The following HSPG2 variants were observed in gnomAD, a reference collection of about 807,000 sequenced individuals.
The protein encoded by HSPG2 is heparan sulfate proteoglycan 2, also known as basement membrane-specific heparan sulfate proteoglycan core protein.
Under a neutral mutation model 526.6 loss-of-function variants are expected in HSPG2, and 278 were observed. That is an observed-to-expected ratio of 0.53 (90% CI 0.48 to 0.58). The LOEUF (loss-of-function observed/expected upper bound fraction) is 0.58. Ranked by LOEUF, HSPG2 falls within the 20% of genes least tolerant of loss-of-function variation. The probability of loss-of-function intolerance (pLI) is 0.00; values close to 1 mark genes in which losing one functional copy is unlikely to be tolerated. For missense variants in HSPG2, 5,354 were observed against 6,099.5 expected (o/e 0.88, Z 4.07); for synonymous variants, 2,465 against 2,555.4 (o/e 0.96, Z 1.07).
chr1:21,926,906 T>C (rs1231973410), intron 1 of HSPG2, among the ~76,000 whole-genome samples: 1 of 151,966 alleles, frequency 6.6e-6, no homozygotes, highest in African/African-American at 2.4e-5. Flanking sequence ...TTCCCAACTA[T>C]TTGAAAATTG....
chr1:21,927,533 AC>A (rs57444906), intron 1 of HSPG2, among the ~76,000 whole-genome samples: 140,309 of 151,720 alleles, frequency 0.92, 65,562 homozygotes, highest in South Asian at 0.99. Flanking sequence ...GACATCCCCC[AC>A]CCCCCCCACT....
Position 21,831,018 on chromosome 1 carries a change from G to T in HSPG2, c.11635C>A (p.Arg3879Ser). The change falls in exon 85 of 97, where the codon CGC becomes AGC. Residue 3879 changes from arginine (R) to serine (S), a missense_variant. Arg to Ser is a moderately radical substitution (Grantham distance 110). Coordinates refer to ENST00000374695, the MANE Select transcript of HSPG2 (RefSeq NM_005529.7). ...CVCPAGFTGS[R>S]CEHSQALHCH... is the part of the protein sequence containing the mutation. ...TGCAGGGCCTGCGAGTGCTCACAGC[G>T]GCTCCCGGTGAAGCCAGCTGGGCAG... 6.3e-7 allele frequency: 1 copy of T among 1,590,274 alleles called. No individual in the cohort carries two copies. Among genetic ancestry groups the T allele is most frequent in the Non-Finnish European group, 8.6e-7 (1 of 1,168,558 alleles).
intron 1 of HSPG2, among the ~76,000 whole-genome samples, chr1:21,905,167 CCACCCACA>C (rs368218821): frequency 0.28 from 33,430 of 120,708 alleles, 4,577 homozygotes; most frequent in East Asian, 0.48. Context: ...CACCCACCAC[CCACCCACA>C]CACACACACA....
At position 21,865,962 on chromosome 1, in the gene HSPG2, G is replaced by A. The variant is rs1166267604; in HGVS notation, c.4222-153C>T. ...CCCAAACCAAGAGGCCAGGGTGCAT[G>A]GTTGCCTGGGAAACAGGACATTTCT... On this transcript the variant is annotated intron_variant, in intron 33 of 96. Transcript: ENST00000374695. The surrounding 1 kb of genome is among the most constrained non-coding windows in gnomAD (Gnocchi z 5.4). Among the ~76,000 whole-genome samples the A allele has an allele frequency of 6.6e-6, 1 of 150,402 alleles. No individual in the cohort carries two copies. The highest frequency in any genetic ancestry group is 1.5e-5 in the Non-Finnish European group (1 of 67,704).
intron 3 of HSPG2, among the ~76,000 whole-genome samples, chr1:21,891,559 A>C (rs921795168): frequency 2.0e-5 from 3 of 152,176 alleles, no homozygotes; most frequent in Non-Finnish European, 2.9e-5. Context: ...GTTCCTTGAA[A>C]GTGATGGCTG....
chr1:21,911,604 G>A (rs1353368014), intron 1 of HSPG2, among the ~76,000 whole-genome samples: 1 of 152,228 alleles, frequency 6.6e-6, no homozygotes, highest in Non-Finnish European at 1.5e-5. Flanking sequence ...TGGGTGGAGA[G>A]GCCGGAGCAA....
chr1:21,855,415 T>C lies in HSPG2; in HGVS notation c.5886A>G (p.Pro1962=). 6.2e-7 allele frequency: 1 copy of C among 1,613,228 alleles called. No individual in the cohort carries two copies. The change falls in exon 47 of 97, where the codon CCA becomes CCG. Residue 1962 remains proline (P), a synonymous_variant. Transcript: ENST00000374695. ...GGCCTGCGTGGACCTGGGTCCTCTC[T>C]GGGCTCACTTGGACTCTGGGCCCAC... ...GGGGPRVQVS[P]ERTQVHAGRT...
chr1:21,896,823 T>C (rs1444636786), intron 1 of HSPG2, among the ~76,000 whole-genome samples: 2 of 152,214 alleles, frequency 1.3e-5, no homozygotes, highest in Non-Finnish European at 2.9e-5. Context: ...CTCCTCTTCC[T>C]GCCTCACTCT....
chr1:21,866,693 G>A (rs1640257860), intron 33 of HSPG2, among the ~76,000 whole-genome samples: 1 of 152,204 alleles, frequency 6.6e-6, no homozygotes, highest in African/African-American at 2.4e-5. Context: ...GGACCTTCAC[G>A]TGGACAGCTG....
In HSPG2 at chr1:21,846,179, C is replaced by A; in HGVS notation, c.8393G>T (p.Ser2798Ile). ...SGEYVCRVMGSSGPLEASVLV... is the reference protein window; with the variant it reads ...SGEYVCRVMGISGPLEASVLV... ...GACTGAGGCCTCCAGGGGGCCAGAG[C>A]TGCCCATCACCCGGCACACGTATTC... The change falls in exon 64 of 97, where the codon AGC (serine) becomes ATC (isoleucine). Residue 2798 changes from serine to isoleucine, a missense_variant. Coordinates refer to ENST00000374695, the MANE Select transcript of HSPG2 (RefSeq NM_005529.7). The A allele has an allele frequency of 1.2e-6, 2 of 1,613,108 alleles. No individual in the cohort carries two copies. Among genetic ancestry groups the A allele is most frequent in the Non-Finnish European group, 1.7e-6 (2 of 1,180,002 alleles).
chr1:21,849,135 A>T (rs1037641017), intron 57 of HSPG2, 104 bp from the exon 58 acceptor site: 34 of 1,350,456 alleles, frequency 2.5e-5, no homozygotes, highest in Non-Finnish European at 3.3e-5. Flanking sequence ...AGCCAGCTGG[A>T]ACTCGATGGA....
intron 28 of HSPG2, 95 bp downstream of exon 28, chr1:21,874,311 C>A: frequency 6.6e-7 from 1 of 1,520,854 alleles, no homozygotes; most frequent in Non-Finnish European, 9.0e-7. Context: ...CAGGATTTAA[C>A]CACTGCCTCT....
chr1:21,885,353 C>T lies in HSPG2; in HGVS notation c.1177G>A (p.Asp393Asn), dbSNP rs749033157. 28 of 1,614,030 alleles carry T rather than the reference C, an allele frequency of 1.7e-5. No individual in the cohort carries two copies. The highest frequency in any genetic ancestry group is 4.5e-5 in the East Asian group (2 of 44,870). ...AACTCGTCGCTCCGGTCAGGACAGT[C>T]GCTCTCCTCGTCACAGTGGAAGCTG... ...PASFHCDEES[D>N]CPDRSDEFGC... The change falls in exon 10 of 97, where the codon GAC becomes AAC. Residue 393 changes from aspartate (D) to asparagine (N), a missense_variant. Asp to Asn is a conservative substitution (Grantham distance 23). Coordinates refer to ENST00000374695, the MANE Select transcript of HSPG2 (RefSeq NM_005529.7).
At chr1:21,894,785 A>G (rs538413544) in intron 3 of HSPG2, among the ~76,000 whole-genome samples, 1 of 152,304 alleles carries the variant, frequency 6.6e-6, no homozygotes, top group African/African-American at 2.4e-5. Flanking sequence ...ACATTAGCAT[A>G]GGCCATTCCA....
At chr1:21,835,479 C>A (rs2098022780) in intron 76 of HSPG2, 61 bp downstream of exon 76, 1 of 1,100,132 alleles carries the variant, frequency 9.1e-7, no homozygotes, top group East Asian at 2.3e-5. Context: ...GGCCTTGTGC[C>A]TCTCTGCCTT....
At chr1:21,846,051 G>A (rs1210297955) in intron 64 of HSPG2, 57 bp downstream of exon 64, 5 of 1,592,616 alleles carry the variant, frequency 3.1e-6, no homozygotes, top group Non-Finnish European at 3.4e-6. Context: ...TCTGCCCCCT[G>A]GTCTCTGTCC....
At position 21,855,607 on chromosome 1, in the gene HSPG2, C is replaced by T. The variant is rs746696933; in HGVS notation, c.5770G>A (p.Glu1924Lys). The part of the protein sequence containing the change: ...HGGILRLPAV[E>K]PTDQAQYLCR... ...AAGTACTGGGCCTGATCCGTGGGCT[C>T]GACAGCTGGCAGGCGCAGGATGCCG... The change falls in exon 46 of 97, where the codon GAG becomes AAG. Residue 1924 changes from glutamate to lysine, a missense_variant. Glu to Lys is a moderately conservative substitution (Grantham distance 56, BLOSUM62 1). Transcript: ENST00000374695. The T allele has an allele frequency of 2.7e-5, 43 of 1,581,564 alleles. No individual in the cohort carries two copies. Among genetic ancestry groups the T allele is most frequent in the African/African-American group, 4.0e-5 (3 of 74,520 alleles).
chr1:21,853,462 G>A (rs1639071403), intron 50 of HSPG2: 2 of 230,024 alleles, frequency 8.7e-6, no homozygotes, highest in Non-Finnish European at 1.7e-5. Flanking sequence ...CACCATGACT[G>A]GCCAGGCGCG....
At chr1:21,912,001 G>A (rs1319335173) in intron 1 of HSPG2, among the ~76,000 whole-genome samples, 1 of 152,252 alleles carries the variant, frequency 6.6e-6, no homozygotes. Flanking sequence ...GGCAGCCTGG[G>A]AGGTGAAGTT....
Sources: gnomAD v4.1 joint callset for allele counts (sites outside exome capture counted in the v4.1 genomes callset) on GRCh38, gnomAD v4.1.1 for gene constraint, Gnocchi (gnomAD v3.1) non-coding constraint, MANE v1.5 for transcripts, NCBI Gene and HGNC (gene_info 2026-07-23, HGNC 2026-07-21) for gene names.